The following PTPN5 variants were observed in gnomAD, a reference collection of about 807,000 sequenced individuals.
PTPN5 encodes the protein protein tyrosine phosphatase non-receptor type 5.
A neutral mutation model predicts 73.9 loss-of-function variants in PTPN5; 29 were observed. The observed-to-expected ratio is 0.39, with a 90% CI of 0.29 to 0.54. The LOEUF (loss-of-function observed/expected upper bound fraction) is 0.54. PTPN5 is among the 20% of genes least tolerant of loss of function. The pLI is 0.65. For synonymous variants in PTPN5, 267 were observed against 304.7 expected, an observed-to-expected ratio of 0.88 and a Z score of 1.29; for missense variants, 652 against 751.4, an observed-to-expected ratio of 0.87 and a Z score of 1.55.
intron 4 of PTPN5, 131 bp downstream of exon 4, chr11:18,743,875 G>C (rs1564898526): frequency 9.3e-7 from 1 of 1,072,430 alleles, no homozygotes. Context: ...TGAGGGCTTG[G>C]AGCTCCTGAG....
rs4132495 is a variant in PTPN5, at chr11:18,779,109, G to C, written c.-113-7038C>G. Among the ~76,000 whole-genome samples, 1,370 of 152,252 alleles carry C rather than the reference G, an allele frequency of 9.0e-3. 21 individuals are homozygous for C. Among genetic ancestry groups the C allele is most frequent in the African/African-American group, 0.031 (1,284 of 41,544 alleles). ...TTCAGAGCTCAGTTTGCTCCCACCT[G>C]CAACTAGAGGGGCCCCTAGCTCCTG... is the stretch of plus-strand genomic sequence containing the variant. On this transcript the variant is annotated intron_variant, in intron 1 of 14. Coordinates refer to ENST00000358540, the MANE Select transcript of PTPN5 (RefSeq NM_006906.2).
chr11:18,769,299 T>G (rs1361905739), intron 2 of PTPN5, among the ~76,000 whole-genome samples: 3 of 152,154 alleles, frequency 2.0e-5, no homozygotes, highest in African/African-American at 7.2e-5. Flanking sequence ...AATTGATGTA[T>G]GCATGTGACC....
At chr11:18,786,086 G>T (rs1470318561) in intron 1 of PTPN5, among the ~76,000 whole-genome samples, 1 of 152,198 alleles carries the variant, frequency 6.6e-6, no homozygotes, top group African/African-American at 2.4e-5. Context: ...GCTTTTCTCA[G>T]TCTAAGAGTT....
chr11:18,782,055 C>T (rs1052497656), intron 1 of PTPN5, among the ~76,000 whole-genome samples: 10 of 152,222 alleles, frequency 6.6e-5, no homozygotes, highest in African/African-American at 2.2e-4. Flanking sequence ...ACTCTTGTCA[C>T]ACAGCAGACG....
intron 3 of PTPN5, among the ~76,000 whole-genome samples, chr11:18,753,810 A>G (rs74647153): frequency 0.02 from 3,084 of 152,286 alleles, 103 homozygotes; most frequent in African/African-American, 0.069. Context: ...GTGTTCAGGG[A>G]CATCTTGGGG....
chr11:18,775,379 A>C (rs1219837046), intron 1 of PTPN5, among the ~76,000 whole-genome samples: 1 of 152,240 alleles, frequency 6.6e-6, no homozygotes, highest in African/African-American at 2.4e-5. Context: ...GAGAAAACTA[A>C]GGCTCAGGGG....
At chr11:18,754,499 C>A (rs1367057571) in intron 3 of PTPN5, among the ~76,000 whole-genome samples, 1 of 152,136 alleles carries the variant, frequency 6.6e-6, no homozygotes, top group Admixed American at 6.5e-5. Flanking sequence ...TCAAGAATAA[C>A]CAGCCCCATT....
In PTPN5 at chr11:18,740,745, C is replaced by A. The variant is rs200352971; in HGVS notation, c.773G>T (p.Cys258Phe). The change falls in exon 8 of 15, where the codon TGC becomes TTC. Residue 258 changes from cysteine (C) to phenylalanine (F), a missense_variant. This residue lies in a region of PTPN5 where 529 missense variants were observed against 573.9 expected (regional missense o/e 0.92). Coordinates refer to ENST00000358540, the MANE Select transcript of PTPN5 (RefSeq NM_006906.2). ...SLTLDMCTPG[C>F]NEEGFGYLMS... The stretch of plus-strand genomic sequence containing the variant: ...GAGATAGCCAAAGCCCTCCTCGTTG[C>A]AGCCCGGAGTGCACATGTCCAGGGT... 3.1e-6 allele frequency: 5 copies of A among 1,596,886 alleles called. No homozygotes were observed. Among genetic ancestry groups the A allele is most frequent in the Middle Eastern group, 3.3e-4 (2 of 6,004 alleles).
Position 18,729,270 on chromosome 11 carries a change from C to A in PTPN5, c.1604+183G>T, listed in dbSNP as rs569588394. Among the ~76,000 whole-genome samples, 1 of 138,696 alleles carries A rather than the reference C, an allele frequency of 7.2e-6. No homozygotes were observed. The highest frequency in any genetic ancestry group is 1.6e-5 in the Non-Finnish European group (1 of 64,330). The allele number at this position is 138,696 out of a possible 152,430, so 91.0% of individuals were successfully genotyped here. A position where few individuals can be genotyped will look rare whatever the true frequency, so the allele number is the denominator to read the frequency against. Reference sequence around the variant, plus strand: ...TGCTTTTCTTCCCTCTTCATCTGGCCCCCCACTGTCTGGATCCTGCCCCTC... The same window carrying A: ...TGCTTTTCTTCCCTCTTCATCTGGCACCCCACTGTCTGGATCCTGCCCCTC... On this transcript the variant is annotated intron_variant, in intron 14 of 14. Coordinates refer to ENST00000358540, the MANE Select transcript of PTPN5 (RefSeq NM_006906.2). This position sits in a 1 kb window ranked among gnomAD's most constrained non-coding sequence, Gnocchi z 5.2.
At chr11:18,781,149 C>T (rs11024793) in intron 1 of PTPN5, among the ~76,000 whole-genome samples, 9 of 152,088 alleles carry the variant, frequency 5.9e-5, no homozygotes, top group Admixed American at 3.9e-4. Context: ...CGCACCCCCC[C>T]GGCCCCGCCC....
chr11:18,744,073 C>T lies in PTPN5; in HGVS notation c.224G>A (p.Arg75Gln), dbSNP rs751501268. The change falls in exon 4 of 15, where the codon CGA (arginine) becomes CAA (glutamine). Residue 75 changes from arginine to glutamine, a missense_variant. By Grantham distance (43) the Arg-to-Gln change is conservative. Around this residue, in one of 3 missense-constraint regions of PTPN5, gnomAD observed 529 missense variants for 573.9 expected, o/e 0.92. Transcript: ENST00000358540. ...PSDPAQKPPP[R>Q]GAGSHSLTVR... ...AGTGAGGGAGTGGCTCCCAGCGCCT[C>T]GAGGTGGTGGCTTCTGAGCTGGATC... is the stretch of plus-strand genomic sequence containing the variant. The T allele has an allele frequency of 1.1e-5, 18 of 1,609,832 alleles. No homozygotes were observed. The East Asian group carries it at 1.6e-4, about 14-fold the overall frequency.
intron 1 of PTPN5, among the ~76,000 whole-genome samples, chr11:18,778,320 T>C (rs527875660): frequency 1.3e-5 from 2 of 152,358 alleles, no homozygotes; most frequent in African/African-American, 4.8e-5. Flanking sequence ...GTTGCTTATC[T>C]GGCTTGGACA....
intron 1 of PTPN5, among the ~76,000 whole-genome samples, chr11:18,772,434 C>T (rs989742108): frequency 6.6e-6 from 1 of 152,228 alleles, no homozygotes; most frequent in Non-Finnish European, 1.5e-5. Flanking sequence ...GCTGCCTACC[C>T]TCCTTGCCCA....
intron 4 of PTPN5, 48 bp from the exon 5 acceptor site, chr11:18,743,477 C>G: frequency 6.5e-7 from 1 of 1,545,692 alleles, no homozygotes; most frequent in Non-Finnish European, 8.9e-7. Flanking sequence ...CCCCTTCCCC[C>G]GTGTTCCCCC....
chr11:18,768,860 C>G (rs181115358), intron 2 of PTPN5, among the ~76,000 whole-genome samples: 1 of 152,186 alleles, frequency 6.6e-6, no homozygotes, highest in African/African-American at 2.4e-5. Context: ...AGTCTCTGGG[C>G]GCTGCCTTCC....
At chr11:18,774,627 T>G (rs1208612889) in intron 1 of PTPN5, among the ~76,000 whole-genome samples, 4 of 152,238 alleles carry the variant, frequency 2.6e-5, no homozygotes, top group African/African-American at 9.6e-5. Context: ...TTGGCCACCC[T>G]GCTGGGACCA....
At chr11:18,780,134 C>T (rs903859654) in intron 1 of PTPN5, among the ~76,000 whole-genome samples, 1 of 152,200 alleles carries the variant, frequency 6.6e-6, no homozygotes. Flanking sequence ...TTCCTATTTC[C>T]TCAGGCTCTG....
intron 3 of PTPN5, among the ~76,000 whole-genome samples, chr11:18,759,115 G>C (rs1850276879): frequency 6.6e-6 from 1 of 152,092 alleles, no homozygotes; most frequent in African/African-American, 2.4e-5. Context: ...TGTAGAACTG[G>C]CCTGGACCTG....
At chr11:18,767,885 C>T (rs1387387833) in intron 2 of PTPN5, among the ~76,000 whole-genome samples, 2 of 152,242 alleles carry the variant, frequency 1.3e-5, no homozygotes, top group African/African-American at 4.8e-5. Flanking sequence ...CCTCTGCACT[C>T]CAGCCACACT....
Sources: allele counts gnomAD v4.1 joint callset (sites outside exome capture counted in the v4.1 genomes callset), GRCh38; gene constraint gnomAD v4.1.1; regional missense constraint gnomAD v4.1.1; non-coding constraint Gnocchi (gnomAD v3.1); transcripts MANE v1.5; gene names NCBI Gene and HGNC (gene_info 2026-07-23, HGNC 2026-07-21).